The following SPRING1 variants were observed in gnomAD, a reference collection of about 807,000 sequenced individuals.
The protein encoded by SPRING1 is SREBF pathway regulator in golgi 1, also known as SREBP regulating gene protein.
A neutral mutation model predicts 24.7 loss-of-function variants in SPRING1; 14 were observed. The observed-to-expected ratio is 0.57, with a 90% CI of 0.37 to 0.88. The LOEUF (loss-of-function observed/expected upper bound fraction) is 0.88. SPRING1 is among the 40% of genes least tolerant of loss of function. SPRING1 has a pLI of 0.00. For synonymous variants in SPRING1, 93 were observed against 106.1 expected (o/e 0.88, Z 0.76); for missense variants, 255 against 268.4 (o/e 0.95, Z 0.35).
intron 1 of SPRING1, among the ~76,000 whole-genome samples, chr12:116,732,337 A>T (rs1871015361): frequency 1.3e-5 from 2 of 152,196 alleles, no homozygotes; most frequent in African/African-American, 4.8e-5. Flanking sequence ...GCACTTTGGG[A>T]GGCCGAGGCG....
intron 1 of SPRING1, among the ~76,000 whole-genome samples, chr12:116,729,170 G>C (rs146037713): frequency 4.2e-4 from 64 of 152,272 alleles, no homozygotes; most frequent in Non-Finnish European, 8.1e-4. Flanking sequence ...GAAGACAGCT[G>C]AATCTCCGAA....
chr12:116,723,363 C>T, intron 1 of SPRING1, 140 bp from the exon 2 acceptor site: 2 of 985,300 alleles, frequency 2.0e-6, no homozygotes, highest in East Asian at 2.6e-5. Context: ...TCTCCTGGTA[C>T]AAGCAAAGCC....
In SPRING1 at chr12:116,737,916, G is replaced by A; in HGVS notation, c.-16C>T. On this transcript the variant is annotated 5_prime_UTR_variant, in exon 1 of 5. Transcript: ENST00000261318. ...GGTTCACCATCCCGGCGCGGACGTG[G>A]GGCGCGGCGGCCGGGGCGCGGAACG... The A allele has an allele frequency of 1.3e-6, 2 of 1,509,742 alleles. No individual in the cohort carries two copies. The highest frequency in any genetic ancestry group is 1.8e-6 in the Non-Finnish European group (2 of 1,131,308). The allele number at this position is 1,509,742 out of a possible 1,614,324, so 93.5% of individuals were successfully genotyped here. A position where few individuals can be genotyped will look rare whatever the true frequency, so the allele number is the denominator to read the frequency against.
intron 1 of SPRING1, among the ~76,000 whole-genome samples, chr12:116,724,083 C>T (rs1246339744): frequency 2.0e-5 from 3 of 152,106 alleles, no homozygotes; most frequent in African/African-American, 7.2e-5. Flanking sequence ...CTTCAGTAAG[C>T]TACTGGATAA....
chr12:116,725,593 A>C (rs1870645334), intron 1 of SPRING1, among the ~76,000 whole-genome samples: 1 of 152,242 alleles, frequency 6.6e-6, no homozygotes, highest in Non-Finnish European at 1.5e-5. Context: ...TATTATACTT[A>C]GTACTTTTCT....
intron 1 of SPRING1, among the ~76,000 whole-genome samples, chr12:116,732,948 A>C (rs187287841): frequency 6.6e-6 from 1 of 152,268 alleles, no homozygotes; most frequent in Non-Finnish European, 1.5e-5. Flanking sequence ...GGACATGATA[A>C]GGCCACTTCA....
rs1870153394 is a variant in SPRING1, at chr12:116,716,714, T to C, written c.*1096A>G. ...TGAGGGCAGGTGTAAGACTCTTCTC[T>C]TGCAGTGCTCTGATAGAAAGCTGGG... is the stretch of plus-strand genomic sequence containing the variant. On this transcript the variant is annotated 3_prime_UTR_variant, in exon 5 of 5. Coordinates refer to ENST00000261318, the MANE Select transcript of SPRING1 (RefSeq NM_024738.4). The C allele has an allele frequency of 1.3e-5, 2 of 152,232 alleles. No homozygotes were observed. The highest frequency in any genetic ancestry group is 1.3e-4 in the Admixed American group (2 of 15,288). 9.4% of individuals were successfully genotyped at this position (152,232 alleles called of 1,614,324 possible).
Position 116,711,029 on chromosome 12 carries a change from GCA to G in SPRING1, c.*6779_*6780del, listed in dbSNP as rs1215948869. On this transcript the variant is annotated 3_prime_UTR_variant, in exon 5 of 5. Transcript: ENST00000261318. ...GTTACACACACACACACACACACAC[GCA>G]CACACAGAGCCAATGTATGGAAACA... The G allele has an allele frequency of 1.2e-5, 1 of 86,490 alleles. No homozygotes were observed. The highest frequency in any genetic ancestry group is 2.4e-5 in the Non-Finnish European group (1 of 40,984). The allele number at this position is 86,490 out of a possible 1,614,324, so 5.4% of individuals were successfully genotyped here.
chr12:116,721,890 T>TA (rs1870453383), intron 2 of SPRING1, among the ~76,000 whole-genome samples: 1 of 152,196 alleles, frequency 6.6e-6, no homozygotes, highest in Non-Finnish European at 1.5e-5. Flanking sequence ...ACTGCCAACT[T>TA]ACAGTATTCA....
intron 1 of SPRING1, among the ~76,000 whole-genome samples, chr12:116,729,538 G>A (rs950626391): frequency 3.3e-5 from 5 of 152,174 alleles, no homozygotes; most frequent in Admixed American, 2.6e-4. Flanking sequence ...CTGCAACAGC[G>A]TTATTCATAA....
rs1870011867 is a variant in SPRING1 at position 116,714,350 on chromosome 12, G to A, written c.*3460C>T. On this transcript the variant is annotated 3_prime_UTR_variant, in exon 5 of 5. Transcript: ENST00000261318. ...CTGCACTCAGAAACTTGCAAATTGT[G>A]CAACTGTTCCCCACGATTCCCTTGG... 1 of 152,244 alleles carries A rather than the reference G, an allele frequency of 6.6e-6. No homozygotes were observed. 9.4% of individuals were successfully genotyped at this position (152,244 alleles called of 1,614,324 possible).
chr12:116,736,228 T>C lies in SPRING1; in HGVS notation c.111+1562A>G, dbSNP rs750698537. On this transcript the variant is annotated intron_variant, in intron 1 of 4. Coordinates refer to ENST00000261318, the MANE Select transcript of SPRING1 (RefSeq NM_024738.4). ...CAACAGCATACCTCCAGAGATCACC[T>C]GAGTATTTAAACAATGGCCCAGAGA... Among the ~76,000 whole-genome samples, 67 of 152,066 alleles carry C rather than the reference T, an allele frequency of 4.4e-4. 1 individual carries two copies. Among genetic ancestry groups the C allele is most frequent in the Non-Finnish European group, 9.6e-4 (65 of 68,028 alleles).
At chr12:116,733,361 T>TTTTTTTTGAGACGGAGTCTCGC (rs1481474831) in intron 1 of SPRING1, among the ~76,000 whole-genome samples, 1 of 146,744 alleles carries the variant, frequency 6.8e-6, no homozygotes, top group African/African-American at 2.7e-5. Flanking sequence ...TTTTTGTATT[T>TTTTTTTTGAGACGGAGTCTCGC]TCAGTAGAGA....
In SPRING1 at chr12:116,720,345, C is replaced by T. The variant is rs766567103; in HGVS notation, c.371G>A (p.Cys124Tyr). 6.2e-7 allele frequency: 1 copy of T among 1,614,210 alleles called. No homozygotes were observed. Among genetic ancestry groups the T allele is most frequent in the South Asian group, 1.1e-5 (1 of 91,088 alleles). The change falls in exon 3 of 5, where the codon TGC becomes TAC. Residue 124 changes from cysteine (C) to tyrosine (Y), a missense_variant. By Grantham distance (194) the Cys-to-Tyr change is radical. Transcript: ENST00000261318. This position sits in a 1 kb window ranked among gnomAD's most constrained non-coding sequence, Gnocchi z 4.0. ...YCCDGCWPNG[C>Y]CSAYEYCVSC... ...GACACAGTACTCATAGGCGCTGCAG[C>T]AGCCGTTGGGCCAGCAGCCATCACA...
chr12:116,720,279 G>A lies in SPRING1; in HGVS notation c.420+17C>T. 1 of 1,587,986 alleles carries A rather than the reference G, an allele frequency of 6.3e-7. No homozygotes were observed. Among genetic ancestry groups the A allele is most frequent in the Non-Finnish European group, 8.5e-7 (1 of 1,171,492 alleles). On this transcript the variant is annotated intron_variant, in intron 3 of 4. Coordinates refer to ENST00000261318, the MANE Select transcript of SPRING1 (RefSeq NM_024738.4). This position sits in a 1 kb window ranked among gnomAD's most constrained non-coding sequence, Gnocchi z 4.0. ...AAAGAAAAAAGGAGCCGCAGAACCA[G>A]GATCAACTCCCCATACCTTGTTGGG... is the stretch of plus-strand genomic sequence containing the variant.
intron 4 of SPRING1, 109 bp from the exon 5 acceptor site, chr12:116,718,002 G>T: frequency 2.3e-6 from 2 of 885,674 alleles, no homozygotes; most frequent in Non-Finnish European, 3.2e-6. Flanking sequence ...CCCTGCAGGG[G>T]GCTGGCCGAG....
chr12:116,719,700 T>A, intron 4 of SPRING1, 63 bp downstream of exon 4: 2 of 1,384,230 alleles, frequency 1.4e-6, no homozygotes, highest in Non-Finnish European at 2.0e-6. Flanking sequence ...CAGTGTGTAT[T>A]TTCTAGTTTC....
chr12:116,730,142 C>T (rs1054051836), intron 1 of SPRING1, among the ~76,000 whole-genome samples: 3 of 152,160 alleles, frequency 2.0e-5, no homozygotes, highest in African/African-American at 7.2e-5. Flanking sequence ...TCTCATGATC[C>T]ACCCGCCTCG....
chr12:116,725,357 G>T (rs888383427), intron 1 of SPRING1, among the ~76,000 whole-genome samples: 7 of 152,260 alleles, frequency 4.6e-5, no homozygotes, highest in South Asian at 2.1e-4. Context: ...AAACAGTATG[G>T]ATAGGGTTTG....
Sources: gnomAD v4.1 joint callset for allele counts (sites outside exome capture counted in the v4.1 genomes callset) on GRCh38, gnomAD v4.1.1 for gene constraint, Gnocchi (gnomAD v3.1) non-coding constraint, MANE v1.5 for transcripts, NCBI Gene and HGNC (gene_info 2026-07-23, HGNC 2026-07-21) for gene names.